The following DNAH7 variants were observed in gnomAD, a reference collection of about 807,000 sequenced individuals.
The protein encoded by DNAH7 is axonemal beta dynein heavy chain 7.
DNAH7 carries 397 observed loss-of-function variants against 444.6 expected under a neutral mutation model. That is an observed-to-expected ratio of 0.89 (90% confidence interval 0.82 to 0.97). DNAH7 has a LOEUF of 0.97. DNAH7 is among the 50% of genes least tolerant of loss of function. DNAH7 has a pLI of 0.00. For synonymous variants in DNAH7, 1,636 were observed against 1,624.4 expected, an observed-to-expected ratio of 1.01 and a Z score of -0.17; for missense variants, 4,902 against 4,800.8, an observed-to-expected ratio of 1.02 and a Z score of -0.62.
intron 61 of DNAH7, among the ~76,000 whole-genome samples, chr2:195,766,498 T>C (rs979413800): frequency 8.6e-5 from 13 of 151,926 alleles, no homozygotes; most frequent in African/African-American, 2.9e-4. Flanking sequence ...ACAATTGAAC[T>C]TGTGGAGTTA....
intron 46 of DNAH7, among the ~76,000 whole-genome samples, chr2:195,846,006 G>A (rs918153904): frequency 6.6e-6 from 1 of 152,126 alleles, no homozygotes; most frequent in Non-Finnish European, 1.5e-5. Flanking sequence ...AAATTGACAA[G>A]TGGGACCTAA....
chr2:195,957,995 TC>T (rs1356975645), intron 18 of DNAH7, among the ~76,000 whole-genome samples: 1 of 152,064 alleles, frequency 6.6e-6, no homozygotes, highest in African/African-American at 2.4e-5. Context: ...ATGTTCTTTT[TC>T]CCCCCTTAAT....
intron 10 of DNAH7, among the ~76,000 whole-genome samples, chr2:196,002,443 T>G (rs1694095633): frequency 6.6e-6 from 1 of 152,162 alleles, no homozygotes; most frequent in South Asian, 2.1e-4. Context: ...ATAAAAGGAT[T>G]ACAGTGTAAT....
intron 24 of DNAH7, among the ~76,000 whole-genome samples, chr2:195,920,131 T>C (rs1280676417): frequency 6.6e-6 from 1 of 152,156 alleles, no homozygotes; most frequent in Non-Finnish European, 1.5e-5. Context: ...ATGACCATAC[T>C]GCCAAAAGCA....
chr2:195,750,792 G>T (rs1003868055), intron 63 of DNAH7, among the ~76,000 whole-genome samples: 2 of 152,198 alleles, frequency 1.3e-5, no homozygotes, highest in Admixed American at 6.5e-5. Flanking sequence ...CAGTGGTACA[G>T]AGCAGCCCCA....
chr2:196,015,696 T>G (rs1694977999), intron 9 of DNAH7, among the ~76,000 whole-genome samples: 1 of 152,196 alleles, frequency 6.6e-6, no homozygotes, highest in African/African-American at 2.4e-5. Context: ...TTAGAGTCAC[T>G]CAGACACGTT....
intron 42 of DNAH7, among the ~76,000 whole-genome samples, chr2:195,861,283 C>T (rs895344237): frequency 1.3e-5 from 2 of 152,138 alleles, no homozygotes; most frequent in African/African-American, 4.8e-5. Flanking sequence ...CACATTGACA[C>T]TTTCTATAGC....
intron 19 of DNAH7, among the ~76,000 whole-genome samples, chr2:195,951,075 T>C (rs1690220759): frequency 6.6e-6 from 1 of 152,092 alleles, no homozygotes; most frequent in Non-Finnish European, 1.5e-5. Flanking sequence ...CTGTGAGCAT[T>C]TAGTGCTATA....
intron 57 of DNAH7, among the ~76,000 whole-genome samples, chr2:195,788,553 A>G (rs1695733203): frequency 6.6e-6 from 1 of 152,220 alleles, no homozygotes. Context: ...CCCTCACAGA[A>G]TAACTTTGAA....
intron 45 of DNAH7, 64 bp downstream of exon 45, chr2:195,855,747 A>G: frequency 6.4e-7 from 1 of 1,568,628 alleles, no homozygotes; most frequent in Non-Finnish European, 8.7e-7. Flanking sequence ...ATGTGCTAGT[A>G]CGAACATCAT....
intron 63 of DNAH7, among the ~76,000 whole-genome samples, chr2:195,753,326 A>G (rs908947526): frequency 2.0e-5 from 3 of 152,164 alleles, no homozygotes; most frequent in African/African-American, 7.2e-5. Context: ...CCCCGGGAAT[A>G]GTAGTGGGAT....
In DNAH7 at chr2:195,816,144, G is replaced by T. The variant is rs188217445; in HGVS notation, c.9761+484C>A. Among the ~76,000 whole-genome samples, 344 of 152,202 alleles carry T rather than the reference G, an allele frequency of 2.3e-3. No individual in the cohort carries two copies. In the Middle Eastern group the frequency reaches 0.024, roughly 11 times the overall value. ...TTGTAATAGCCAACAGTAATATAAA[G>T]TATTTTATGTAAATAAGAATAATAG... On this transcript the variant is annotated intron_variant, in intron 51 of 64. Coordinates refer to ENST00000312428, the MANE Select transcript of DNAH7 (RefSeq NM_018897.3).
At chr2:195,775,712 T>C in intron 60 of DNAH7, 134 bp downstream of exon 60, 3 of 923,708 alleles carry the variant, frequency 3.2e-6, no homozygotes, top group East Asian at 2.8e-5. Context: ...GTTATGTATG[T>C]ATTTTTGTCT....
chr2:195,805,273 G>C (rs1696657250), intron 54 of DNAH7, among the ~76,000 whole-genome samples: 1 of 151,884 alleles, frequency 6.6e-6, no homozygotes. Context: ...TTAATATTGA[G>C]GGAGGAAGGT....
At chr2:195,768,063 T>A (rs1238378119) in intron 61 of DNAH7, among the ~76,000 whole-genome samples, 3 of 151,354 alleles carry the variant, frequency 2.0e-5, no homozygotes, top group African/African-American at 7.3e-5. Context: ...AAAAGAATAT[T>A]CTTGTTTTTG....
intron 1 of DNAH7, among the ~76,000 whole-genome samples, chr2:196,063,049 T>C (rs1011959385): frequency 6.6e-6 from 1 of 152,066 alleles, no homozygotes; most frequent in Admixed American, 6.6e-5. Context: ...CACTGGCTAA[T>C]TTTTGTATTT....
chr2:195,830,267 C>T (rs1474217), intron 48 of DNAH7, among the ~76,000 whole-genome samples: 147,111 of 152,290 alleles, frequency 0.97, 71,258 homozygotes, highest in East Asian at 1. Flanking sequence ...GCCACTAATA[C>T]TTTTGAGTAA....
intron 24 of DNAH7, among the ~76,000 whole-genome samples, chr2:195,919,979 C>T (rs1687926179): frequency 1.3e-5 from 2 of 152,102 alleles, no homozygotes; most frequent in African/African-American, 2.4e-5. Flanking sequence ...GATATGGGGT[C>T]TTCAAGATGT....
rs1314706859 is a variant in DNAH7, at chr2:195,926,425, C to A, written c.3612+1G>T. The A allele has an allele frequency of 3.2e-6, 5 of 1,567,712 alleles. No homozygotes were observed. Among genetic ancestry groups the A allele is most frequent in the Admixed American group, 1.9e-5 (1 of 51,982 alleles). ...AAACCCGAGGGTTAATAAAACCTTACCTTTATCCCCATTGGAATAGCTGTT... is the reference window on the plus strand; with the variant it reads ...AAACCCGAGGGTTAATAAAACCTTAACTTTATCCCCATTGGAATAGCTGTT... On this transcript the variant is annotated splice_donor_variant, in intron 22 of 64. Transcript: ENST00000312428. LOFTEE classifies it high-confidence loss of function.
Sources: gnomAD v4.1 joint callset for allele counts (sites outside exome capture counted in the v4.1 genomes callset) on GRCh38, gnomAD v4.1.1 for gene constraint, MANE v1.5 for transcripts, NCBI Gene and HGNC (gene_info 2026-07-23, HGNC 2026-07-21) for gene names.